The following RYR2 variants were observed in gnomAD, a reference collection of about 807,000 sequenced individuals.
RYR2 encodes ryanodine receptor 2, also known as cardiac muscle ryanodine receptor-calcium release channel.
Under a neutral mutation model 601.1 loss-of-function variants are expected in RYR2, and 227 were observed. That is an observed-to-expected ratio of 0.38 (90% CI 0.34 to 0.42). The LOEUF is 0.42. Ranked by LOEUF, RYR2 falls within the 10% of genes least tolerant of loss-of-function variation. The pLI is 1.00. For synonymous variants in RYR2, 2,223 were observed against 2,175.1 expected (o/e 1.02, Z -0.61); for missense variants, 4,646 against 6,156.5 (o/e 0.75, Z 8.21).
intron 50 of RYR2, among the ~76,000 whole-genome samples, chr1:237,651,152 AAGG>A (rs1682689486): frequency 6.6e-6 from 1 of 152,238 alleles, no homozygotes; most frequent in Admixed American, 6.5e-5. Flanking sequence ...TTAGGAAAGA[AAGG>A]AGGAGAACAG....
In RYR2 at chr1:237,715,167, C is replaced by T. The variant is rs1199534656; in HGVS notation, c.10324-2031C>T. On this transcript the variant is annotated intron_variant, in intron 71 of 104. Transcript: ENST00000366574. The stretch of plus-strand genomic sequence containing the variant: ...ATGAAAAAGTGTGCAAATTCATTAG[C>T]TTTAGCGGCTCTGTTTAAATTATTG... Among the ~76,000 whole-genome samples the T allele has an allele frequency of 2.6e-5, 4 of 152,230 alleles. No individual in the cohort carries two copies. In the East Asian group the frequency reaches 7.7e-4, roughly 29 times the overall value.
rs191331814 is a variant in RYR2 at position 237,657,207 on chromosome 1, A to G, written c.8130-737A>G. The stretch of plus-strand genomic sequence containing the variant: ...TATATATTGCTTCTTAAGTATGTGT[A>G]TGTCTTATAGTTCAATTACTGTTAA... On this transcript the variant is annotated intron_variant, in intron 53 of 104. Coordinates refer to ENST00000366574, the MANE Select transcript of RYR2 (RefSeq NM_001035.3). Among the ~76,000 whole-genome samples the G allele has an allele frequency of 6.7e-4, 102 of 152,262 alleles. 1 individual carries two copies. The highest frequency in any genetic ancestry group is 3.5e-3 in the South Asian group (17 of 4,828).
chr1:237,137,969 A>G (rs1171158105), intron 1 of RYR2, among the ~76,000 whole-genome samples: 3 of 152,126 alleles, frequency 2.0e-5, no homozygotes, highest in African/African-American at 7.2e-5. Flanking sequence ...TTTTGTGATA[A>G]TCATTTATTT....
chr1:237,562,794 G>A (rs1470857104), intron 27 of RYR2, among the ~76,000 whole-genome samples: 1 of 152,096 alleles, frequency 6.6e-6, no homozygotes, highest in Non-Finnish European at 1.5e-5. Flanking sequence ...CAAAGCATAA[G>A]GATGTTCGGG....
chr1:237,174,211 A>G (rs781188087), intron 1 of RYR2, among the ~76,000 whole-genome samples: 5 of 152,252 alleles, frequency 3.3e-5, no homozygotes, highest in Non-Finnish European at 5.9e-5. Context: ...CAGAAGGTGT[A>G]TAGTGAGGTT....
intron 1 of RYR2, among the ~76,000 whole-genome samples, chr1:237,261,931 T>A (rs1196090789): frequency 2.6e-5 from 4 of 152,228 alleles, no homozygotes; most frequent in Admixed American, 2.6e-4. Context: ...GTTTATTTTT[T>A]AAAATTTGTC....
chr1:237,398,844 G>A (rs965345654), intron 10 of RYR2, among the ~76,000 whole-genome samples: 2 of 152,170 alleles, frequency 1.3e-5, no homozygotes, highest in African/African-American at 4.8e-5. Context: ...ATCAGCTGTG[G>A]TATGTCCATA....
At chr1:237,228,666 C>T (rs1391135856) in intron 1 of RYR2, among the ~76,000 whole-genome samples, 2 of 152,166 alleles carry the variant, frequency 1.3e-5, no homozygotes, top group Non-Finnish European at 2.9e-5. Flanking sequence ...GAGTTTGAAT[C>T]TCTGCAGCTT....
intron 10 of RYR2, among the ~76,000 whole-genome samples, chr1:237,408,758 T>C (rs1704156963): frequency 2.6e-5 from 4 of 152,290 alleles, no homozygotes; most frequent in Admixed American, 2.6e-4. Context: ...AAACTATAGA[T>C]CAAATTGGGA....
chr1:237,755,197 C>G, intron 80 of RYR2: 1 of 845,226 alleles, frequency 1.2e-6, no homozygotes, highest in South Asian at 1.7e-5. Flanking sequence ...TTTCTTTTCC[C>G]CCTCCTTTTA....
At chr1:237,526,371 A>G (rs1667595579) in intron 24 of RYR2, among the ~76,000 whole-genome samples, 1 of 151,024 alleles carries the variant, frequency 6.6e-6, no homozygotes, top group Non-Finnish European at 1.5e-5. Context: ...TTTCAGGACC[A>G]GAGTCTCACT....
At chr1:237,627,529 G>T (rs2148665154) in intron 40 of RYR2, among the ~76,000 whole-genome samples, 1 of 152,212 alleles carries the variant, frequency 6.6e-6, no homozygotes, top group South Asian at 2.1e-4. Flanking sequence ...ATTGCCAATG[G>T]TAATTTTGAA....
chr1:237,631,295 G>T, intron 41 of RYR2, 132 bp from the exon 42 acceptor site: 6 of 603,772 alleles, frequency 9.9e-6, no homozygotes, highest in East Asian at 3.0e-5. Context: ...TAATTTTTGT[G>T]GCTTATTAAA....
At chr1:237,527,405 T>G (rs561059603) in intron 24 of RYR2, among the ~76,000 whole-genome samples, 1 of 152,222 alleles carries the variant, frequency 6.6e-6, no homozygotes, top group Admixed American at 6.5e-5. Context: ...CCCAGCCAAG[T>G]TGATACATAA....
At chr1:237,670,132 T>C (rs1343430001) in intron 58 of RYR2, among the ~76,000 whole-genome samples, 2 of 151,610 alleles carry the variant, frequency 1.3e-5, no homozygotes, top group Admixed American at 6.6e-5. Flanking sequence ...ACCAAAAAAA[T>C]ACGAAAACCA....
At chr1:237,262,245 GTTTTTTTTTT>G (rs386370106) in intron 1 of RYR2, among the ~76,000 whole-genome samples, 5 of 61,106 alleles carry the variant, frequency 8.2e-5, no homozygotes, top group East Asian at 2.1e-3. Flanking sequence ...GTTCTAAAGA[GTTTTTTTTTT>G]TTTTTTTTTT....
At chr1:237,120,743 A>G (rs917892328) in intron 1 of RYR2, 1 of 152,250 alleles carries the variant, frequency 6.6e-6, no homozygotes, top group Non-Finnish European at 1.5e-5. Context: ...TTCCCCTGAC[A>G]TAGCTCTCTA....
chr1:237,111,702 T>C (rs1054096632), intron 1 of RYR2, among the ~76,000 whole-genome samples: 3 of 152,182 alleles, frequency 2.0e-5, no homozygotes, highest in African/African-American at 7.2e-5. Flanking sequence ...CTTTGCCATC[T>C]TTGGGATTCT....
chr1:237,430,043 C>T (rs1224825051), intron 12 of RYR2, among the ~76,000 whole-genome samples: 1 of 150,620 alleles, frequency 6.6e-6, no homozygotes, highest in African/African-American at 2.4e-5. Flanking sequence ...GCTATCTTTC[C>T]AGATCAATAT....
Sources: allele counts gnomAD v4.1 joint callset (sites outside exome capture counted in the v4.1 genomes callset), GRCh38; gene constraint gnomAD v4.1.1; transcripts MANE v1.5; gene names NCBI Gene and HGNC (gene_info 2026-07-23, HGNC 2026-07-21).